ADAM22: variants seen among roughly 807,000 people sequenced by gnomAD.
The protein encoded by ADAM22 is disintegrin and metalloproteinase domain-containing protein 22.
A neutral mutation model predicts 144.6 loss-of-function variants in ADAM22; 65 were observed. That is an observed-to-expected ratio of 0.45 (90% CI 0.37 to 0.55). The LOEUF (loss-of-function observed/expected upper bound fraction) is 0.55, where lower values mean the gene tolerates loss of function less well. ADAM22 is among the 20% of genes least tolerant of loss of function. The pLI is 0.00. For synonymous variants in ADAM22, 391 were observed against 412.6 expected, an observed-to-expected ratio of 0.95 and a Z score of 0.63; for missense variants, 974 against 1,184.9, an observed-to-expected ratio of 0.82 and a Z score of 2.61.
intron 9 of ADAM22, among the ~76,000 whole-genome samples, chr7:88,129,054 T>G (rs1224335038): frequency 6.6e-6 from 1 of 151,996 alleles, no homozygotes; most frequent in African/African-American, 2.4e-5. Context: ...GGGGTACACC[T>G]TTATCTTAAT....
chr7:88,079,658 C>G (rs879824175), intron 4 of ADAM22, among the ~76,000 whole-genome samples: 1 of 152,054 alleles, frequency 6.6e-6, no homozygotes, highest in East Asian at 1.9e-4. Context: ...GAAGATCTAC[C>G]AAGCAAATGG....
At chr7:88,015,055 T>C (rs1458166526) in intron 3 of ADAM22, among the ~76,000 whole-genome samples, 1 of 152,196 alleles carries the variant, frequency 6.6e-6, no homozygotes, top group Non-Finnish European at 1.5e-5. Context: ...GAGTTCAACA[T>C]ACACTGACAT....
chr7:88,176,828 G>A (rs527959183), intron 26 of ADAM22, among the ~76,000 whole-genome samples: 11 of 152,148 alleles, frequency 7.2e-5, no homozygotes, highest in African/African-American at 2.6e-4. Flanking sequence ...GCAATGGTGC[G>A]ATCTCGGCTC....
At chr7:88,195,752 C>T (rs1850556873) in intron 31 of ADAM22, among the ~76,000 whole-genome samples, 1 of 152,050 alleles carries the variant, frequency 6.6e-6, no homozygotes, top group South Asian at 2.1e-4. Context: ...CTCCTGACCT[C>T]GTGATCTGCC....
At chr7:88,042,910 A>G (rs1256716296) in intron 3 of ADAM22, among the ~76,000 whole-genome samples, 1 of 151,022 alleles carries the variant, frequency 6.6e-6, no homozygotes, top group Non-Finnish European at 1.5e-5. Context: ...CAAAATTTGA[A>G]TATATTAATA....
intron 9 of ADAM22, among the ~76,000 whole-genome samples, chr7:88,128,909 A>C (rs1023138843): frequency 2.0e-5 from 3 of 152,094 alleles, no homozygotes; most frequent in Non-Finnish European, 4.4e-5. Flanking sequence ...CATAGTATCA[A>C]CTTTTGAGTT....
intron 3 of ADAM22, among the ~76,000 whole-genome samples, chr7:88,024,806 G>T (rs527740031): frequency 1.3e-5 from 2 of 150,614 alleles, no homozygotes; most frequent in African/African-American, 2.4e-5. Context: ...GCAGTGTTTG[G>T]TTTTTTGTCC....
chr7:87,975,650 A>G (rs867180412), intron 2 of ADAM22, among the ~76,000 whole-genome samples: 2 of 152,244 alleles, frequency 1.3e-5, no homozygotes, highest in South Asian at 2.1e-4. Context: ...AGCTGCAGGA[A>G]AAAGAATTAT....
chr7:87,985,731 T>C (rs1452309587), intron 3 of ADAM22, among the ~76,000 whole-genome samples: 1 of 152,204 alleles, frequency 6.6e-6, no homozygotes, highest in Non-Finnish European at 1.5e-5. Context: ...TTGGTTTTTT[T>C]CTAGTGTTTG....
chr7:88,004,834 A>C (rs553972094), intron 3 of ADAM22, among the ~76,000 whole-genome samples: 1 of 152,172 alleles, frequency 6.6e-6, no homozygotes, highest in Non-Finnish European at 1.5e-5. Context: ...CTCTCAGATT[A>C]ATGATTTTGA....
At chr7:88,143,187 A>G (rs1418189420) in intron 15 of ADAM22, 62 bp downstream of exon 15, 3 of 1,190,428 alleles carry the variant, frequency 2.5e-6, no homozygotes, top group East Asian at 4.7e-5. Flanking sequence ...AATATTACAA[A>G]TACACATTTT....
At chr7:88,193,335 G>C in intron 31 of ADAM22, 96 bp downstream of exon 31, 3 of 1,369,252 alleles carry the variant, frequency 2.2e-6, no homozygotes, top group Non-Finnish European at 2.9e-6. Flanking sequence ...TTCCTCCCTT[G>C]TTCCTAAGAA....
chr7:88,160,719 T>C (rs1458127915), intron 22 of ADAM22, among the ~76,000 whole-genome samples: 2 of 152,148 alleles, frequency 1.3e-5, no homozygotes, highest in Admixed American at 1.3e-4. Flanking sequence ...CCAACCCAAA[T>C]GTCCATCAAT....
intron 1 of ADAM22, 30 bp downstream of exon 1, chr7:87,934,580 C>A (rs1372387524): frequency 6.3e-7 from 1 of 1,587,876 alleles, no homozygotes; most frequent in East Asian, 2.3e-5. Flanking sequence ...TGCCTTTGGG[C>A]CATACCATTT....
At chr7:88,081,391 A>C (rs1389076432) in intron 4 of ADAM22, among the ~76,000 whole-genome samples, 1 of 152,242 alleles carries the variant, frequency 6.6e-6, no homozygotes, top group Non-Finnish European at 1.5e-5. Flanking sequence ...ATCATACTGA[A>C]TGGGCAGAAA....
intron 4 of ADAM22, among the ~76,000 whole-genome samples, chr7:88,079,742 G>A (rs1484685106): frequency 6.6e-6 from 1 of 152,126 alleles, no homozygotes; most frequent in Non-Finnish European, 1.5e-5. Flanking sequence ...GATCAAAAGA[G>A]ACAAAGAAGG....
intron 27 of ADAM22, among the ~76,000 whole-genome samples, chr7:88,180,075 G>C (rs1217166001): frequency 1.3e-5 from 2 of 152,000 alleles, no homozygotes; most frequent in African/African-American, 4.8e-5. Flanking sequence ...TAATCAGGAA[G>C]GAGAATAGAA....
chr7:87,951,024 C>T (rs888407580), intron 2 of ADAM22, among the ~76,000 whole-genome samples: 12 of 152,030 alleles, frequency 7.9e-5, no homozygotes, highest in Middle Eastern at 3.4e-3. Context: ...ATTTCATTGT[C>T]GAGTCTAGAT....
intron 4 of ADAM22, among the ~76,000 whole-genome samples, chr7:88,092,768 G>C (rs971855706): frequency 6.6e-6 from 1 of 152,202 alleles, no homozygotes; most frequent in African/African-American, 2.4e-5. Flanking sequence ...ATTGCAAGTG[G>C]TCTTAACTCT....
Sources: allele counts gnomAD v4.1 joint callset (sites outside exome capture counted in the v4.1 genomes callset), GRCh38; gene constraint gnomAD v4.1.1; transcripts MANE v1.5; gene names NCBI Gene and HGNC (gene_info 2026-07-23, HGNC 2026-07-21).